NRCAM: variants seen among roughly 807,000 people sequenced by gnomAD.
NRCAM encodes neuronal cell adhesion molecule, also known as NgCAM-related cell adhesion molecule.
A neutral mutation model predicts 156.5 loss-of-function variants in NRCAM; 83 were observed. That is an observed-to-expected ratio of 0.53 (90% CI 0.44 to 0.64). The LOEUF is 0.64. NRCAM is among the 30% of genes least tolerant of loss of function. NRCAM has a pLI of 0.00. For synonymous variants in NRCAM, 538 were observed against 563.9 expected (o/e 0.95, Z 0.65); for missense variants, 1,417 against 1,597.3 (o/e 0.89, Z 1.92).
intron 30 of NRCAM, among the ~76,000 whole-genome samples, chr7:108,162,959 T>C (rs1159279902): frequency 6.6e-6 from 1 of 152,124 alleles, no homozygotes; most frequent in Admixed American, 6.6e-5. Flanking sequence ...TAAAATCACC[T>C]GGGACATACA....
intron 3 of NRCAM, among the ~76,000 whole-genome samples, chr7:108,293,346 C>T (rs983496535): frequency 9.9e-5 from 15 of 152,180 alleles, no homozygotes; most frequent in Admixed American, 6.5e-5. Flanking sequence ...CTTTATAAAT[C>T]GCCTTAATAA....
intron 2 of NRCAM, among the ~76,000 whole-genome samples, chr7:108,347,930 A>AC (rs1282774354): frequency 2.0e-5 from 3 of 151,336 alleles, no homozygotes; most frequent in Non-Finnish European, 2.9e-5. Flanking sequence ...CCTCCTCTCC[A>AC]CCCCCATACT....
intron 3 of NRCAM, among the ~76,000 whole-genome samples, chr7:108,255,949 G>A (rs2096627673): frequency 1.5e-5 from 2 of 131,606 alleles, no homozygotes; most frequent in African/African-American, 3.1e-5. Context: ...CGCCCTGTCC[G>A]GGAGGGAGGT....
At chr7:108,287,838 A>G (rs1169379699) in intron 3 of NRCAM, among the ~76,000 whole-genome samples, 1 of 152,096 alleles carries the variant, frequency 6.6e-6, no homozygotes, top group East Asian at 1.9e-4. Context: ...AAATAGAACT[A>G]CCTCTTGATC....
At chr7:108,260,100 C>T (rs2096835775) in intron 3 of NRCAM, among the ~76,000 whole-genome samples, 1 of 152,016 alleles carries the variant, frequency 6.6e-6, no homozygotes, top group African/African-American at 2.4e-5. Flanking sequence ...TCTTTGCTTT[C>T]AGAACCTGGT....
At chr7:108,388,109 T>A (rs1242340194) in intron 2 of NRCAM, among the ~76,000 whole-genome samples, 1 of 152,182 alleles carries the variant, frequency 6.6e-6, no homozygotes, top group African/African-American at 2.4e-5. Flanking sequence ...GCATTTCTAG[T>A]TCTAGATCCC....
intron 1 of NRCAM, among the ~76,000 whole-genome samples, chr7:108,449,956 T>C (rs1291022300): frequency 6.6e-6 from 1 of 151,752 alleles, no homozygotes; most frequent in East Asian, 1.9e-4. Context: ...ACTATGCACA[T>C]AATAAAATTT....
intron 2 of NRCAM, among the ~76,000 whole-genome samples, chr7:108,394,957 T>G (rs1484705357): frequency 6.6e-6 from 1 of 152,230 alleles, no homozygotes; most frequent in East Asian, 1.9e-4. Flanking sequence ...AATAAACATG[T>G]TTTTAAAGTT....
At chr7:108,276,625 G>A (rs931710764) in intron 3 of NRCAM, among the ~76,000 whole-genome samples, 12 of 151,390 alleles carry the variant, frequency 7.9e-5, no homozygotes, top group Non-Finnish European at 1.8e-4. Flanking sequence ...GAGCCTATGT[G>A]TGTCTGTGCA....
chr7:108,172,738 TG>T (rs1203389767), intron 28 of NRCAM, among the ~76,000 whole-genome samples: 3 of 152,206 alleles, frequency 2.0e-5, no homozygotes, highest in African/African-American at 7.2e-5. Flanking sequence ...TTGAGGAGAA[TG>T]GTAAGAAGAA....
intron 14 of NRCAM, among the ~76,000 whole-genome samples, chr7:108,197,098 G>A (rs1427023500): frequency 1.3e-5 from 2 of 152,076 alleles, no homozygotes; most frequent in African/African-American, 4.8e-5. Context: ...TGTGTTAAGT[G>A]CAACAGGCCA....
At chr7:108,328,143 T>C (rs759678821) in intron 2 of NRCAM, among the ~76,000 whole-genome samples, 1 of 152,204 alleles carries the variant, frequency 6.6e-6, no homozygotes, top group Non-Finnish European at 1.5e-5. Context: ...ATTCAAACCA[T>C]ATCTGTCAGT....
intron 2 of NRCAM, among the ~76,000 whole-genome samples, chr7:108,359,997 C>A (rs2099538001): frequency 6.6e-6 from 1 of 152,164 alleles, no homozygotes; most frequent in African/African-American, 2.4e-5. Context: ...TTTCGCTCAA[C>A]ATGGTTTTTA....
chr7:108,334,117 A>T (rs945548500), intron 2 of NRCAM, among the ~76,000 whole-genome samples: 3 of 152,236 alleles, frequency 2.0e-5, no homozygotes, highest in African/African-American at 7.2e-5. Context: ...TTGTCACAAC[A>T]TCAAGAATTT....
chr7:108,294,193 G>GTTTTTTTTTTTTTTTTTT (rs56717039), intron 3 of NRCAM, among the ~76,000 whole-genome samples: 1 of 87,932 alleles, frequency 1.1e-5, no homozygotes, highest in Admixed American at 1.6e-4. Flanking sequence ...TTCTTTACTG[G>GTTTTTTTTTTTTTTTTTT]TTTTTTTTTT....
In NRCAM at chr7:108,209,057, T is replaced by C. The variant is rs557884156; in HGVS notation, c.1075+364A>G. Reference sequence around the variant, plus strand: ...TCCCCAGTAATTAATTTCTGCGGGATAGAAACACTTTGAAGCTATGCAAAT... The same window carrying C: ...TCCCCAGTAATTAATTTCTGCGGGACAGAAACACTTTGAAGCTATGCAAAT... On this transcript the variant is annotated intron_variant, in intron 12 of 32. Transcript: ENST00000379028. Among the ~76,000 whole-genome samples, 13 of 152,328 alleles carry C rather than the reference T, an allele frequency of 8.5e-5. No homozygotes were observed. The East Asian group carries it at 2.5e-3, about 29-fold the overall frequency.
At chr7:108,308,486 GTTT>G (rs1245887232) in intron 3 of NRCAM, among the ~76,000 whole-genome samples, 1 of 152,208 alleles carries the variant, frequency 6.6e-6, no homozygotes, top group Admixed American at 6.5e-5. Context: ...GACTCAGGCA[GTTT>G]TTTATTTCCA....
At chr7:108,238,845 C>CA (rs1474736937) in intron 4 of NRCAM, among the ~76,000 whole-genome samples, 4 of 151,984 alleles carry the variant, frequency 2.6e-5, no homozygotes, top group Admixed American at 2.6e-4. Context: ...AGAAGCACAG[C>CA]AAAAAGTCAA....
intron 1 of NRCAM, among the ~76,000 whole-genome samples, chr7:108,445,956 C>T (rs910748133): frequency 2.6e-5 from 4 of 152,162 alleles, no homozygotes; most frequent in Non-Finnish European, 5.9e-5. Flanking sequence ...TTTTTCATTT[C>T]AGTTCTGTGT....
Sources: allele counts gnomAD v4.1 joint callset (sites outside exome capture counted in the v4.1 genomes callset), GRCh38; gene constraint gnomAD v4.1.1; transcripts MANE v1.5; gene names NCBI Gene and HGNC (gene_info 2026-07-23, HGNC 2026-07-21).